Variants in CELF4 observed in about 807,000 individuals in gnomAD.
CELF4 encodes CUG-BP- and ETR-3-like factor 4.
A neutral mutation model predicts 59.9 loss-of-function variants in CELF4; 18 were observed. The observed-to-expected ratio is 0.30, with a 90% CI of 0.21 to 0.45. The LOEUF is 0.45. CELF4 is among the 20% of genes least tolerant of loss of function. CELF4 has a pLI of 1.00. For missense variants in CELF4, 456 were observed against 689.0 expected (o/e 0.66, Z 3.79); for synonymous variants, 261 against 267.1 (o/e 0.98, Z 0.22).
intron 1 of CELF4, among the ~76,000 whole-genome samples, chr18:37,540,312 CAT>C (rs1471608845): frequency 6.6e-6 from 1 of 152,242 alleles, no homozygotes; most frequent in Non-Finnish European, 1.5e-5. Context: ...TGAATGATTA[CAT>C]CTCTCATTTG....
chr18:37,274,583 C>T lies in CELF4; in HGVS notation c.658-129G>A, dbSNP rs774586672. Reference sequence around the variant, plus strand: ...TGGAGGAGGCGGCATCGGCGCTCGCCCAGGGGAATGAGGTGTGAACCCCAC... The same window carrying T: ...TGGAGGAGGCGGCATCGGCGCTCGCTCAGGGGAATGAGGTGTGAACCCCAC... On this transcript the variant is annotated intron_variant, in intron 5 of 12. Coordinates refer to ENST00000420428, the MANE Select transcript of CELF4 (RefSeq NM_020180.4). 3.2e-6 allele frequency: 5 copies of T among 1,576,316 alleles called. No individual in the cohort carries two copies. The Admixed American group carries it at 9.2e-5, about 29-fold the overall frequency.
chr18:37,481,118 G>A (rs1403237366), intron 2 of CELF4, among the ~76,000 whole-genome samples: 12 of 152,164 alleles, frequency 7.9e-5, no homozygotes, highest in African/African-American at 2.4e-4. Context: ...CCAGGCTGAC[G>A]CGAGGGGAGG....
intron 2 of CELF4, among the ~76,000 whole-genome samples, chr18:37,459,538 G>A (rs1456845414): frequency 6.6e-6 from 1 of 152,218 alleles, no homozygotes; most frequent in East Asian, 1.9e-4. Context: ...GATGTGATGT[G>A]CTGGAAGTGG....
chr18:37,355,996 C>T (rs544269449), intron 2 of CELF4, among the ~76,000 whole-genome samples: 132 of 152,276 alleles, frequency 8.7e-4, no homozygotes, highest in African/African-American at 3.1e-3. Context: ...CAGCCACAGG[C>T]ACTCAGCCCA....
intron 1 of CELF4, among the ~76,000 whole-genome samples, chr18:37,553,690 G>A (rs552099721): frequency 7.9e-5 from 12 of 152,168 alleles, no homozygotes; most frequent in Admixed American, 3.9e-4. Flanking sequence ...CCCAGGCTCA[G>A]GCCCGGCTTG....
At chr18:37,285,087 C>T (rs1288690281) in intron 3 of CELF4, among the ~76,000 whole-genome samples, 1 of 152,156 alleles carries the variant, frequency 6.6e-6, no homozygotes, top group Non-Finnish European at 1.5e-5. Flanking sequence ...GGTTGAGAGC[C>T]CCAAGGGGTG....
intron 2 of CELF4, among the ~76,000 whole-genome samples, chr18:37,379,279 C>T (rs1242184117): frequency 6.6e-6 from 1 of 152,056 alleles, no homozygotes; most frequent in East Asian, 1.9e-4. Context: ...CCCCTTTGGC[C>T]CTGGCGTGGG....
intron 2 of CELF4, among the ~76,000 whole-genome samples, chr18:37,433,714 A>T (rs2099678801): frequency 6.6e-6 from 1 of 152,130 alleles, no homozygotes; most frequent in Non-Finnish European, 1.5e-5. Flanking sequence ...GCAGACGGGG[A>T]GAAGGTTCTG....
chr18:37,369,042 G>T (rs7237883), intron 2 of CELF4, among the ~76,000 whole-genome samples: 2,869 of 152,288 alleles, frequency 0.019, 83 homozygotes, highest in African/African-American at 0.065. Flanking sequence ...TCCAGAATGG[G>T]GAGGGGAGGA....
intron 1 of CELF4, among the ~76,000 whole-genome samples, chr18:37,520,716 C>G (rs2099956373): frequency 6.6e-6 from 1 of 152,080 alleles, no homozygotes; most frequent in South Asian, 2.1e-4. Flanking sequence ...ACTCAGATCC[C>G]AAGACATTTA....
chr18:37,476,926 G>GCACTTCCTTTCTACATCCATGAC (rs1165818038), intron 2 of CELF4, among the ~76,000 whole-genome samples: 6 of 152,186 alleles, frequency 3.9e-5, no homozygotes, highest in Non-Finnish European at 8.8e-5. Context: ...CTTCCACACA[G>GCACTTCCTTTCTACATCCATGAC]CACTTCCTTT....
At chr18:37,347,709 G>A (rs1031363282) in intron 2 of CELF4, among the ~76,000 whole-genome samples, 1 of 152,122 alleles carries the variant, frequency 6.6e-6, no homozygotes, top group Non-Finnish European at 1.5e-5. Flanking sequence ...GTAGAGGGGT[G>A]CCAAATCCAG....
At chr18:37,345,066 C>T in intron 2 of CELF4, among the ~76,000 whole-genome samples, 1 of 152,148 alleles carries the variant, frequency 6.6e-6, no homozygotes, top group East Asian at 1.9e-4. Context: ...TGGAGAATGG[C>T]TGTGGAGGCG....
intron 2 of CELF4, among the ~76,000 whole-genome samples, chr18:37,331,896 G>A (rs1254016214): frequency 6.6e-6 from 1 of 152,130 alleles, no homozygotes; most frequent in Admixed American, 6.5e-5. Flanking sequence ...TGGCCGCAGA[G>A]GATCTGGTGT....
At chr18:37,446,919 A>G (rs1170841158) in intron 2 of CELF4, among the ~76,000 whole-genome samples, 1 of 152,134 alleles carries the variant, frequency 6.6e-6, no homozygotes, top group African/African-American at 2.4e-5. Flanking sequence ...TTTTCCCTCA[A>G]GGAGCTTCTG....
intron 3 of CELF4, among the ~76,000 whole-genome samples, chr18:37,299,032 C>T (rs2095844256): frequency 6.6e-6 from 1 of 152,212 alleles, no homozygotes; most frequent in Non-Finnish European, 1.5e-5. Flanking sequence ...GAATGAAATG[C>T]TGCTTCAGTT....
chr18:37,273,147 G>T lies in CELF4; in HGVS notation c.818C>A (p.Ala273Glu). ...CTGCGCGACTGATGCCATCAGGGCC[G>T]CTTGCTGCTGCATCAGCTGGGGCAG... ...AYAQALMQQQAALMASVAQGG... is the reference protein window; with the variant it reads ...AYAQALMQQQEALMASVAQGG... Residue 273 changes from alanine to glutamate, a missense_variant, in exon 7 of 13, where the codon GCG becomes GAG. Ala to Glu is a moderately radical substitution (Grantham distance 107, BLOSUM62 -1). Around this residue, in one of 7 missense-constraint regions of CELF4, gnomAD observed 256 missense variants for 340.8 expected, o/e 0.75. Transcript: ENST00000420428. The T allele has an allele frequency of 1.2e-6, 2 of 1,609,688 alleles. No homozygotes were observed. Among genetic ancestry groups the T allele is most frequent in the Non-Finnish European group, 1.7e-6 (2 of 1,176,520 alleles).
intron 3 of CELF4, among the ~76,000 whole-genome samples, chr18:37,313,482 C>A (rs928211984): frequency 2.0e-5 from 3 of 152,184 alleles, no homozygotes; most frequent in Non-Finnish European, 4.4e-5. Context: ...CATCTGCACA[C>A]TCGCTAAACT....
intron 2 of CELF4, among the ~76,000 whole-genome samples, chr18:37,401,768 C>G (rs754528391): frequency 1.3e-5 from 2 of 152,226 alleles, no homozygotes; most frequent in Non-Finnish European, 1.5e-5. Context: ...CACCATCCAG[C>G]GTTCTTCCCA....
Sources: allele counts gnomAD v4.1 joint callset (sites outside exome capture counted in the v4.1 genomes callset), GRCh38; gene constraint gnomAD v4.1.1; regional missense constraint gnomAD v4.1.1; transcripts MANE v1.5; gene names NCBI Gene and HGNC (gene_info 2026-07-23, HGNC 2026-07-21).